ERC2: variants seen among roughly 807,000 people sequenced by gnomAD.
ERC2 encodes ELKS/RAB6-interacting/CAST family member 2, also known as ERC protein 2.
In ERC2, 42 loss-of-function variants were observed where a neutral mutation model predicts 114.8. That is an observed-to-expected ratio of 0.37 (90% CI 0.29 to 0.47). The LOEUF is 0.47. Ranked by LOEUF, ERC2 falls within the 20% of genes least tolerant of loss-of-function variation. ERC2 has a pLI of 0.99. For synonymous variants in ERC2, 454 were observed against 425.5 expected, an observed-to-expected ratio of 1.07 and a Z score of -0.82; for missense variants, 939 against 1,150.7, an observed-to-expected ratio of 0.82 and a Z score of 2.66.
intron 1 of ERC2, among the ~76,000 whole-genome samples, chr3:56,450,203 A>C (rs1230737451): frequency 6.6e-6 from 1 of 152,200 alleles, no homozygotes; most frequent in Non-Finnish European, 1.5e-5. Context: ...TCCACACATC[A>C]GTACTCTCTC....
chr3:56,083,238 A>G (rs1462570107), intron 6 of ERC2, among the ~76,000 whole-genome samples: 1 of 152,214 alleles, frequency 6.6e-6, no homozygotes, highest in African/African-American at 2.4e-5. Flanking sequence ...AGTGACCTGC[A>G]GATATACATA....
intron 3 of ERC2, among the ~76,000 whole-genome samples, chr3:56,258,980 T>TG: frequency 6.6e-6 from 1 of 151,546 alleles, no homozygotes; most frequent in Middle Eastern, 3.4e-3. Context: ...TAATTAATTT[T>TG]TTTTTTTTTT....
chr3:56,252,866 A>G (rs2052266693), intron 3 of ERC2, among the ~76,000 whole-genome samples: 1 of 152,098 alleles, frequency 6.6e-6, no homozygotes, highest in South Asian at 2.1e-4. Context: ...ATGTTATTAC[A>G]AACTATCCTG....
rs1347372865 is a variant in ERC2 at position 56,130,042 on chromosome 3, C to CTTA, written c.1473+9464_1473+9466dup. Among the ~76,000 whole-genome samples the CTTA allele has an allele frequency of 3.3e-5, 5 of 152,180 alleles. No homozygotes were observed. The East Asian group carries it at 9.7e-4, about 29-fold the overall frequency. ...TTAAAAAAGGATTTTTGTTGGAACA[C>CTTA]TTATAATGAGATTTGAGTTGCAGTA... On this transcript the variant is annotated intron_variant, in intron 6 of 17. Coordinates refer to ENST00000288221, the MANE Select transcript of ERC2 (RefSeq NM_015576.3).
At chr3:55,678,438 G>C (rs1389527085) in intron 17 of ERC2, among the ~76,000 whole-genome samples, 2 of 152,114 alleles carry the variant, frequency 1.3e-5, no homozygotes, top group Non-Finnish European at 2.9e-5. Flanking sequence ...CTTCTCTCTA[G>C]GTCCCTCTAG....
At chr3:55,549,680 G>C (rs1448963195) in intron 17 of ERC2, among the ~76,000 whole-genome samples, 1 of 151,864 alleles carries the variant, frequency 6.6e-6, no homozygotes, top group Non-Finnish European at 1.5e-5. Context: ...CAAGATGGAA[G>C]CCCTGTGGCC....
At chr3:56,052,612 C>G (rs906165972) in intron 7 of ERC2, among the ~76,000 whole-genome samples, 7 of 152,146 alleles carry the variant, frequency 4.6e-5, no homozygotes, top group South Asian at 2.1e-4. Context: ...TAGCTAATGT[C>G]TTTGAGCCTC....
intron 17 of ERC2, among the ~76,000 whole-genome samples, chr3:55,630,332 G>C (rs2059699527): frequency 6.6e-6 from 1 of 152,208 alleles, no homozygotes; most frequent in East Asian, 1.9e-4. Flanking sequence ...ACCACACCAG[G>C]CTAATTTTGT....
chr3:55,538,697 C>G (rs949007273), intron 17 of ERC2, among the ~76,000 whole-genome samples: 1 of 152,218 alleles, frequency 6.6e-6, no homozygotes, highest in Non-Finnish European at 1.5e-5. Flanking sequence ...GTAAATCCCT[C>G]TCTGGCTGCT....
At chr3:56,344,883 G>A (rs551501633) in intron 2 of ERC2, among the ~76,000 whole-genome samples, 6 of 152,266 alleles carry the variant, frequency 3.9e-5, no homozygotes, top group African/African-American at 1.4e-4. Flanking sequence ...GGAAAAAACG[G>A]GAGATATACA....
At chr3:55,711,984 T>C (rs2063800791) in intron 15 of ERC2, among the ~76,000 whole-genome samples, 1 of 152,260 alleles carries the variant, frequency 6.6e-6, no homozygotes, top group Admixed American at 6.5e-5. Context: ...TGTGCTAACA[T>C]GGAGTTTCTC....
chr3:56,162,806 T>C (rs937797886), intron 4 of ERC2, among the ~76,000 whole-genome samples: 10 of 152,132 alleles, frequency 6.6e-5, no homozygotes, highest in Non-Finnish European at 1.3e-4. Context: ...ATCTGTCTGT[T>C]CAAAGAACCA....
At chr3:56,049,222 G>A (rs762319166) in intron 7 of ERC2, among the ~76,000 whole-genome samples, 20 of 152,186 alleles carry the variant, frequency 1.3e-4, no homozygotes, top group Non-Finnish European at 2.2e-4. Context: ...TGGCTGCTGG[G>A]GGTGAGCGCA....
At chr3:56,205,641 G>A (rs545597801) in intron 3 of ERC2, among the ~76,000 whole-genome samples, 1 of 152,254 alleles carries the variant, frequency 6.6e-6, no homozygotes, top group East Asian at 1.9e-4. Context: ...CATGGCCACC[G>A]AAACTACCAC....
At chr3:56,288,565 T>A (rs1373360291) in intron 3 of ERC2, among the ~76,000 whole-genome samples, 1 of 152,194 alleles carries the variant, frequency 6.6e-6, no homozygotes, top group African/African-American at 2.4e-5. Context: ...GCATTCAAAC[T>A]TAAAAGAATG....
intron 16 of ERC2, among the ~76,000 whole-genome samples, chr3:55,698,686 T>C (rs2063065565): frequency 1.3e-5 from 2 of 152,230 alleles, no homozygotes; most frequent in African/African-American, 2.4e-5. Flanking sequence ...ATATTGACTA[T>C]ATTATCCTGC....
intron 2 of ERC2, among the ~76,000 whole-genome samples, chr3:56,339,816 C>T (rs1412736002): frequency 6.6e-6 from 1 of 152,116 alleles, no homozygotes; most frequent in African/African-American, 2.4e-5. Context: ...ATGACAAGAG[C>T]AACAGACCAG....
At chr3:56,227,011 T>TCCA (rs1473198262) in intron 3 of ERC2, among the ~76,000 whole-genome samples, 2 of 151,954 alleles carry the variant, frequency 1.3e-5, no homozygotes, top group Non-Finnish European at 2.9e-5. Flanking sequence ...CTCAACTACC[T>TCCA]CCACCTCAGT....
rs139883492 is a variant in ERC2 at position 55,917,520 on chromosome 3, T to C, written c.2404-28971A>G. 2.3e-3 allele frequency among the ~76,000 whole-genome samples: 351 copies of C among 152,298 alleles called. 1 individual carries two copies. Among genetic ancestry groups the C allele is most frequent in the African/African-American group, 7.9e-3 (329 of 41,568 alleles). ...GCCATAGGCTATATGATTCCATTTA[T>C]ATGAAATATATGAATAGGCAAATCT... On this transcript the variant is annotated intron_variant, in intron 13 of 17. Transcript: ENST00000288221.
Sources: allele counts gnomAD v4.1 joint callset (sites outside exome capture counted in the v4.1 genomes callset), GRCh38; gene constraint gnomAD v4.1.1; transcripts MANE v1.5; gene names NCBI Gene and HGNC (gene_info 2026-07-23, HGNC 2026-07-21).